Variants in PIF1 observed in about 807,000 individuals in gnomAD.
The protein encoded by PIF1 is ATP-dependent DNA helicase PIF1.
PIF1 carries 67 observed loss-of-function variants against 62.3 expected under a neutral mutation model. The ratio of observed to expected loss-of-function variants is 1.08; its 90% CI spans 0.88 to 1.32. The LOEUF (loss-of-function observed/expected upper bound fraction) is 1.32, where lower values mean the gene tolerates loss of function less well. Among genes scored for constraint, PIF1 ranks in the 40% most tolerant of loss-of-function variants. The probability of loss-of-function intolerance (pLI) is 0.00; values close to 1 mark genes in which losing one functional copy is unlikely to be tolerated. For synonymous variants in PIF1, 364 were observed against 379.5 expected (o/e 0.96, Z 0.47); for missense variants, 886 against 866.1 (o/e 1.02, Z -0.29).
chr15:64,816,027 C>T lies in PIF1; in HGVS notation c.*271G>A. The T allele has an allele frequency of 6.8e-7, 1 of 1,474,802 alleles. No homozygotes were observed. Among genetic ancestry groups the T allele is most frequent in the Non-Finnish European group, 9.0e-7 (1 of 1,114,386 alleles). The allele number at this position is 1,474,802 out of a possible 1,614,324, so 91.4% of individuals were successfully genotyped here. ...AGCTTTGTCCTCTGACATCAGCTAC[C>T]ACACAGGCTCATTCTCAACTGGCAC... On this transcript the variant is annotated 3_prime_UTR_variant, in exon 13 of 13. Coordinates refer to ENST00000559239, the MANE Select transcript of PIF1 (RefSeq NM_001286496.2).
At chr15:64,819,783 T>C (rs1595814208) in intron 8 of PIF1, 64 bp downstream of exon 8, 3 of 1,600,830 alleles carry the variant, frequency 1.9e-6, no homozygotes, top group Non-Finnish European at 2.5e-6. Context: ...CCAGGTTGCC[T>C]GGGGGCTACA....
chr15:64,819,302 T>C (rs1381485027), intron 8 of PIF1, 79 bp from the exon 9 acceptor site: 1 of 956,372 alleles, frequency 1.0e-6, no homozygotes, highest in Non-Finnish European at 1.6e-6. Flanking sequence ...TTTTTTTAAA[T>C]TTTAATTTAA....
rs2084173506 is a variant in PIF1 at position 64,815,920 on chromosome 15, C to G, written c.*378G>C. ...AGCCCTGATGCTGCTTCCGGAGCACCTGTCTTCATTGCCTCTCCCTTCTGC... is the reference window on the plus strand; with the variant it reads ...AGCCCTGATGCTGCTTCCGGAGCACGTGTCTTCATTGCCTCTCCCTTCTGC... On this transcript the variant is annotated 3_prime_UTR_variant, in exon 13 of 13. Coordinates refer to ENST00000559239, the MANE Select transcript of PIF1 (RefSeq NM_001286496.2). The G allele has an allele frequency of 3.2e-6, 5 of 1,550,464 alleles. No homozygotes were observed. The East Asian group carries it at 7.3e-5, about 23-fold the overall frequency.
chr15:64,826,945 A>G (rs1419897281), upstream of PIF1, among the ~76,000 whole-genome samples: 1 of 151,778 alleles, frequency 6.6e-6, no homozygotes, highest in Admixed American at 6.6e-5. Context: ...CACATAGCTG[A>G]TATGGAGAGC....
chr15:64,820,434 G>T (rs769812679), intron 7 of PIF1, among the ~76,000 whole-genome samples: 1 of 152,212 alleles, frequency 6.6e-6, no homozygotes, highest in Admixed American at 6.5e-5. Flanking sequence ...GTCTCGCTCT[G>T]TCACCAGGCT....
At position 64,821,841 on chromosome 15, in the gene PIF1, G is replaced by A. The variant is rs916149842; in HGVS notation, c.818-321C>T. 7 of 306,284 alleles carry A rather than the reference G, an allele frequency of 2.3e-5. No homozygotes were observed. The East Asian group carries it at 6.0e-4, about 26-fold the overall frequency. The allele number at this position is 306,284 out of a possible 1,614,324, so 19.0% of individuals were successfully genotyped here. A position where few individuals can be genotyped will look rare whatever the true frequency, so the allele number is the denominator to read the frequency against. On this transcript the variant is annotated intron_variant, in intron 4 of 12. Coordinates refer to ENST00000559239, the MANE Select transcript of PIF1 (RefSeq NM_001286496.2). ...TGCAAGCTCTGCCTCCTGGGTTCAC[G>A]CCATTCTCCTGCCTCAGCCTCCAGA...
chr15:64,826,223 C>T (rs1312811598), upstream of PIF1, among the ~76,000 whole-genome samples: 1 of 151,944 alleles, frequency 6.6e-6, no homozygotes, highest in South Asian at 2.1e-4. Context: ...GTGCCACGTG[C>T]CAGAGGGTAC....
chr15:64,815,702 A>G lies in PIF1; in HGVS notation c.*596T>C. 6.5e-7 allele frequency: 1 copy of G among 1,549,944 alleles called. No homozygotes were observed. Among genetic ancestry groups the G allele is most frequent in the East Asian group, 2.4e-5 (1 of 40,926 alleles). Reference sequence around the variant, plus strand: ...TGAGAACATCCATTTCAATGTCCCCAAACACTATTTATCCCCTGAAAAAGC... The same window carrying G: ...TGAGAACATCCATTTCAATGTCCCCGAACACTATTTATCCCCTGAAAAAGC... On this transcript the variant is annotated 3_prime_UTR_variant, in exon 13 of 13. Transcript: ENST00000559239.
chr15:64,820,030 G>C (rs11639156), intron 7 of PIF1, 44 bp from the exon 8 acceptor site: 17 of 1,590,904 alleles, frequency 1.1e-5, no homozygotes, highest in Non-Finnish European at 1.5e-5. Flanking sequence ...CTGTGCAGCA[G>C]GGGAGGTGGG....
In PIF1 at chr15:64,823,845, G is replaced by T; in HGVS notation, c.491C>A (p.Thr164Asn). The T allele has an allele frequency of 7.2e-7, 1 of 1,380,054 alleles. No homozygotes were observed. The highest frequency in any genetic ancestry group is 2.8e-5 in the Admixed American group (1 of 35,430). The allele number at this position is 1,380,054 out of a possible 1,614,324, so 85.5% of individuals were successfully genotyped here. A position where few individuals can be genotyped will look rare whatever the true frequency, so the allele number is the denominator to read the frequency against. The change falls in exon 2 of 13, where the codon ACC becomes AAC. Residue 164 changes from threonine to asparagine, a missense_variant. Coordinates refer to ENST00000559239, the MANE Select transcript of PIF1 (RefSeq NM_001286496.2). Reference sequence around the variant, plus strand: ...CACCAGCGTAGTGTCCGGAACCCGGGTGGCCGCCCTGAGCCGCCGCTCCTC... The same window carrying T: ...CACCAGCGTAGTGTCCGGAACCCGGTTGGCCGCCCTGAGCCGCCGCTCCTC... ...QPEERRLRAA[T>N]RVPDTTLVKR...
In PIF1 at chr15:64,824,017, C is replaced by T; in HGVS notation, c.319G>A (p.Asp107Asn). 1 of 1,293,192 alleles carries T rather than the reference C, an allele frequency of 7.7e-7. No individual in the cohort carries two copies. Among genetic ancestry groups the T allele is most frequent in the Non-Finnish European group, 9.8e-7 (1 of 1,021,286 alleles). The allele number at this position is 1,293,192 out of a possible 1,614,324, so 80.1% of individuals were successfully genotyped here. A position where few individuals can be genotyped will look rare whatever the true frequency, so the allele number is the denominator to read the frequency against. Reference sequence around the variant, plus strand: ...CGGCGCAGGCGGTCTGGGGGGCAGTCCGAGAGCAGCAGCTGCACTGCGCCG... The same window carrying T: ...CGGCGCAGGCGGTCTGGGGGGCAGTTCGAGAGCAGCAGCTGCACTGCGCCG... ...GAGAVQLLLS[D>N]CPPDRLRRFL... Residue 107 changes from aspartate to asparagine, a missense_variant, in exon 2 of 13, where the codon GAC (aspartate) becomes AAC (asparagine). By Grantham distance (23) the Asp-to-Asn change is conservative (BLOSUM62 1). Coordinates refer to ENST00000559239, the MANE Select transcript of PIF1 (RefSeq NM_001286496.2).
At position 64,822,491 on chromosome 15, in the gene PIF1, G is replaced by A; in HGVS notation, c.678C>T (p.Phe226=). The A allele has an allele frequency of 6.2e-7, 1 of 1,613,814 alleles. No individual in the cohort carries two copies. The highest frequency in any genetic ancestry group is 8.5e-7 in the Non-Finnish European group (1 of 1,179,968). Residue 226 remains phenylalanine, a synonymous_variant, in exon 3 of 13, where the codon TTC becomes TTT. Coordinates refer to ENST00000559239, the MANE Select transcript of PIF1 (RefSeq NM_001286496.2). ...TGCCCCCACTACCTGCACTCCCAGT[G>A]AAGAAGATGCTCTGGCCTTTCAGGA... The part of the protein sequence containing the change: ...RAVLKGQSIF[F]TGSAGTGKSY...
Position 64,815,914 on chromosome 15 carries a change from G to A in PIF1, c.*384C>T. The stretch of plus-strand genomic sequence containing the variant: ...TCCAAGAGCCCTGATGCTGCTTCCG[G>A]AGCACCTGTCTTCATTGCCTCTCCC... On this transcript the variant is annotated 3_prime_UTR_variant, in exon 13 of 13. Transcript: ENST00000559239. 6.4e-7 allele frequency: 1 copy of A among 1,550,500 alleles called. No homozygotes were observed.
At chr15:64,824,626 A>T (rs1299024853) in intron 1 of PIF1, among the ~76,000 whole-genome samples, 4 of 151,788 alleles carry the variant, frequency 2.6e-5, no homozygotes, top group African/African-American at 9.7e-5. Flanking sequence ...TGGGCGGATC[A>T]CCTGAAGTTA....
chr15:64,825,918 G>T (rs2084361040), upstream of PIF1, among the ~76,000 whole-genome samples: 1 of 152,158 alleles, frequency 6.6e-6, no homozygotes. Flanking sequence ...TGTCGGGTCT[G>T]AAAACCCTAC....
At chr15:64,822,454 CT>C in intron 3 of PIF1, 23 bp downstream of exon 3, 5 of 1,614,122 alleles carry the variant, frequency 3.1e-6, no homozygotes, top group Non-Finnish European at 4.2e-6. Flanking sequence ...CACTGTCCCC[CT>C]ACCTCCTCTC....
chr15:64,823,522 G>A, intron 2 of PIF1: 1 of 331,402 alleles, frequency 3.0e-6, no homozygotes, highest in East Asian at 4.6e-5. Flanking sequence ...TGGGATTACA[G>A]GCGTGAGCCA....
chr15:64,821,074 C>G lies in PIF1; in HGVS notation c.1101G>C (p.Lys367Asn). 1.9e-6 allele frequency: 3 copies of G among 1,614,040 alleles called. No individual in the cohort carries two copies. Among genetic ancestry groups the G allele is most frequent in the Non-Finnish European group, 2.5e-6 (3 of 1,179,930 alleles). ...PRFCFQSKSWKRCVPVTLELT... is the reference protein window; with the variant it reads ...PRFCFQSKSWNRCVPVTLELT... ...GCTCCAGGGTCACTGGCACACACCTCTTCCAGCTCTTGGACTGGTGGGGGC... is the reference window on the plus strand; with the variant it reads ...GCTCCAGGGTCACTGGCACACACCTGTTCCAGCTCTTGGACTGGTGGGGGC... Residue 367 changes from lysine to asparagine, a missense_variant, in exon 7 of 13, where the codon AAG becomes AAC. Coordinates refer to ENST00000559239, the MANE Select transcript of PIF1 (RefSeq NM_001286496.2).
rs774151354 is a variant in PIF1 at position 64,815,842 on chromosome 15, G to A, written c.*456C>T. ...AGCTGTAGAGACACACCTAAGTTCCGTTCTCTGTTTGGAGGCTGCACCCAG... is the reference window on the plus strand; with the variant it reads ...AGCTGTAGAGACACACCTAAGTTCCATTCTCTGTTTGGAGGCTGCACCCAG... On this transcript the variant is annotated 3_prime_UTR_variant, in exon 13 of 13. Coordinates refer to ENST00000559239, the MANE Select transcript of PIF1 (RefSeq NM_001286496.2). The A allele has an allele frequency of 2.2e-5, 34 of 1,550,456 alleles. No individual in the cohort carries two copies. Among genetic ancestry groups the A allele is most frequent in the East Asian group, 9.8e-5 (4 of 40,938 alleles).
Sources: allele counts gnomAD v4.1 joint callset (sites outside exome capture counted in the v4.1 genomes callset), GRCh38; gene constraint gnomAD v4.1.1; transcripts MANE v1.5; gene names NCBI Gene and HGNC (gene_info 2026-07-23, HGNC 2026-07-21).